The following TRIM66 variants were observed in gnomAD, a reference collection of about 807,000 sequenced individuals.
TRIM66 encodes tripartite motif containing 66, also known as tripartite motif-containing protein 66.
A neutral mutation model predicts 148.2 loss-of-function variants in TRIM66; 99 were observed. The ratio of observed to expected loss-of-function variants is 0.67; its 90% CI spans 0.57 to 0.79. TRIM66 has a LOEUF of 0.79. Among genes scored for constraint, TRIM66 ranks in the 30% least tolerant of loss-of-function variants. TRIM66 has a pLI of 0.00. For synonymous variants in TRIM66, 616 were observed against 635.9 expected (o/e 0.97, Z 0.47); for missense variants, 1,666 against 1,697.9 (o/e 0.98, Z 0.33).
At chr11:8,639,112 A>G (rs554865018) in intron 14 of TRIM66, among the ~76,000 whole-genome samples, 2 of 152,330 alleles carry the variant, frequency 1.3e-5, no homozygotes, top group Non-Finnish European at 2.9e-5. Flanking sequence ...GTGGCCCTCT[A>G]TGAACCCTAG....
intron 1 of TRIM66, among the ~76,000 whole-genome samples, chr11:8,681,318 A>G (rs757953714): frequency 1.3e-5 from 2 of 152,006 alleles, no homozygotes; most frequent in African/African-American, 4.8e-5. Flanking sequence ...TATTTTTAGT[A>G]GAGACGGGGT....
intron 4 of TRIM66, among the ~76,000 whole-genome samples, chr11:8,672,892 A>C (rs945670013): frequency 6.6e-6 from 1 of 150,754 alleles, no homozygotes; most frequent in Non-Finnish European, 1.5e-5. Context: ...TGGCCTCCCA[A>C]AGTGCTGGGA....
intron 14 of TRIM66, among the ~76,000 whole-genome samples, chr11:8,639,180 G>T (rs1488202332): frequency 6.6e-6 from 1 of 152,222 alleles, no homozygotes; most frequent in Non-Finnish European, 1.5e-5. Context: ...CTGGGCCTCA[G>T]GGGAAGACAT....
At chr11:8,674,959 C>T (rs2039108273) in intron 3 of TRIM66, 76 bp from the exon 4 acceptor site, 1 of 152,212 alleles carries the variant, frequency 6.6e-6, no homozygotes, top group Non-Finnish European at 1.5e-5. Flanking sequence ...CAAAATTCAA[C>T]AGTGGTAGTA....
At position 8,648,961 on chromosome 11, in the gene TRIM66, C is replaced by G. The variant is rs145962285; in HGVS notation, c.593-413G>C. ...GGCTAGATCACGTGGATCATGAACTCTGGTTCCTGTGGATTTGACAGTTGT... is the reference window on the plus strand; with the variant it reads ...GGCTAGATCACGTGGATCATGAACTGTGGTTCCTGTGGATTTGACAGTTGT... On this transcript the variant is annotated intron_variant, in intron 8 of 24. Transcript: ENST00000646038. Among the ~76,000 whole-genome samples, 8 of 152,390 alleles carry G rather than the reference C, an allele frequency of 5.2e-5. No homozygotes were observed. In the East Asian group the frequency reaches 1.5e-3, roughly 29 times the overall value.
At position 8,645,631 on chromosome 11, in the gene TRIM66, C is replaced by T. The variant is rs1484411490; in HGVS notation, c.1104+110G>A. ...GGAGCTGCTATGTTATTCCTCCTTC[C>T]ATCCTAAAAAGAAAAGGCACTTCCA... On this transcript the variant is annotated intron_variant, in intron 12 of 24. Transcript: ENST00000646038. 5 of 1,296,750 alleles carry T rather than the reference C, an allele frequency of 3.9e-6. No homozygotes were observed. The African/African-American group carries it at 7.5e-5, about 19-fold the overall frequency. 80.3% of individuals were successfully genotyped at this position (1,296,750 alleles called of 1,614,324 possible).
At chr11:8,672,159 C>T (rs1442241962) in intron 5 of TRIM66, 61 bp from the exon 6 acceptor site, 1 of 1,531,290 alleles carries the variant, frequency 6.5e-7, no homozygotes, top group East Asian at 2.4e-5. Context: ...AATCTTAGGC[C>T]AGAGGGGCCT....
intron 4 of TRIM66, among the ~76,000 whole-genome samples, chr11:8,674,125 T>G (rs1201418168): frequency 6.6e-6 from 1 of 152,254 alleles, no homozygotes; most frequent in African/African-American, 2.4e-5. Flanking sequence ...GGGCCAGTAG[T>G]TCTCAAACTT....
At chr11:8,648,146 C>T in intron 9 of TRIM66, 60 bp from the exon 10 acceptor site, 1 of 1,420,626 alleles carries the variant, frequency 7.0e-7, no homozygotes, top group Non-Finnish European at 9.7e-7. Flanking sequence ...AGCATGCCAA[C>T]CAAGCGGGAA....
At chr11:8,643,834 C>A (rs762308513) in intron 12 of TRIM66, among the ~76,000 whole-genome samples, 2 of 152,116 alleles carry the variant, frequency 1.3e-5, no homozygotes, top group Non-Finnish European at 2.9e-5. Flanking sequence ...TACTCAATAG[C>A]CCTCTTCCTC....
chr11:8,664,586 T>C (rs904630451), intron 6 of TRIM66, among the ~76,000 whole-genome samples: 1 of 152,172 alleles, frequency 6.6e-6, no homozygotes, highest in African/African-American at 2.4e-5. Flanking sequence ...GCCTGTACAG[T>C]GTCTGCCAAC....
chr11:8,621,508 A>AG (rs2034210510), intron 19 of TRIM66, 137 bp downstream of exon 19: 2 of 1,297,884 alleles, frequency 1.5e-6, no homozygotes, highest in Admixed American at 2.9e-5. Flanking sequence ...ACCTTGCAGC[A>AG]GGGGACAACG....
chr11:8,643,242 G>T, intron 12 of TRIM66, 116 bp from the exon 13 acceptor site: 1 of 748,620 alleles, frequency 1.3e-6, no homozygotes, highest in Non-Finnish European at 2.1e-6. Context: ...TTAACCTCTG[G>T]TCATCCTCCA....
intron 15 of TRIM66, among the ~76,000 whole-genome samples, chr11:8,637,782 G>A (rs1412968331): frequency 1.3e-5 from 2 of 152,140 alleles, no homozygotes; most frequent in African/African-American, 4.8e-5. Context: ...TGGAGGCACT[G>A]GAGAGCTGAG....
intron 12 of TRIM66, 64 bp from the exon 13 acceptor site, chr11:8,643,190 C>A: frequency 7.2e-7 from 1 of 1,393,722 alleles, no homozygotes; most frequent in Admixed American, 2.1e-5. Flanking sequence ...CTCCCCTTCC[C>A]TTACTCTTTG....
Position 8,640,996 on chromosome 11 carries a change from A to T in TRIM66, c.1379T>A (p.Val460Glu). The stretch of plus-strand genomic sequence containing the variant: ...GGAGCAGCACACAGATGAGGAGCAC[A>T]CTGCTGGAGACTGGAACTTGTGTGA... Reference protein sequence around the residue: ...HPSHKFQSPAVCSSSVCCSHC... With the variant: ...HPSHKFQSPAECSSSVCCSHC... The change falls in exon 14 of 25, where the codon GTG becomes GAG. Residue 460 changes from valine to glutamate, a missense_variant. Physicochemically the swap from Val to Glu is moderately radical, Grantham distance 121. Coordinates refer to ENST00000646038, the MANE Select transcript of TRIM66 (RefSeq NM_001388022.1). 6.4e-7 allele frequency: 1 copy of T among 1,551,498 alleles called. No individual in the cohort carries two copies. The highest frequency in any genetic ancestry group is 8.7e-7 in the Non-Finnish European group (1 of 1,146,970).
At chr11:8,642,798 A>G (rs983641825) in intron 13 of TRIM66, among the ~76,000 whole-genome samples, 1 of 133,456 alleles carries the variant, frequency 7.5e-6, no homozygotes, top group Non-Finnish European at 1.5e-5. Context: ...ACAAAGTCCT[A>G]TATTGCCACT....
chr11:8,625,690 G>C (rs919287203), intron 15 of TRIM66, among the ~76,000 whole-genome samples: 2 of 152,144 alleles, frequency 1.3e-5, no homozygotes, highest in Non-Finnish European at 2.9e-5. Context: ...TTCTCTTCCC[G>C]TCAAGGGGTG....
intron 4 of TRIM66, among the ~76,000 whole-genome samples, 169 bp downstream of exon 4, chr11:8,674,637 T>C (rs1044294190): frequency 2.0e-5 from 3 of 152,178 alleles, no homozygotes; most frequent in African/African-American, 7.2e-5. Flanking sequence ...TCCTCCATTT[T>C]GGCCGCCCGA....
Sources: allele counts gnomAD v4.1 joint callset (sites outside exome capture counted in the v4.1 genomes callset), GRCh38; gene constraint gnomAD v4.1.1; transcripts MANE v1.5; gene names NCBI Gene and HGNC (gene_info 2026-07-23, HGNC 2026-07-21).